Variants in PDZD2 observed in about 807,000 individuals in gnomAD.
PDZD2 encodes the protein PDZ domain-containing protein 2.
In PDZD2, 90 loss-of-function variants were observed where a neutral mutation model predicts 220.7. The observed-to-expected ratio is 0.41, with a 90% CI of 0.34 to 0.49. PDZD2 has a LOEUF of 0.49. Ranked by LOEUF, PDZD2 falls within the 20% of genes least tolerant of loss-of-function variation. PDZD2 has a pLI of 0.28. For synonymous variants in PDZD2, 1,375 were observed against 1,450.5 expected (o/e 0.95, Z 1.18); for missense variants, 3,174 against 3,608.5 (o/e 0.88, Z 3.08).
At chr5:31,982,866 C>G (rs1750408903) in intron 2 of PDZD2, among the ~76,000 whole-genome samples, 1 of 152,182 alleles carries the variant, frequency 6.6e-6, no homozygotes, top group Non-Finnish European at 1.5e-5. Context: ...AGCATTGGCT[C>G]TGTTCCTAGA....
chr5:32,001,024 G>A (rs778420664), intron 5 of PDZD2, among the ~76,000 whole-genome samples: 19 of 152,178 alleles, frequency 1.2e-4, no homozygotes, highest in Non-Finnish European at 2.1e-4. Flanking sequence ...AACCGCACAC[G>A]CAACAGATCT....
intron 24 of PDZD2, among the ~76,000 whole-genome samples, chr5:32,101,737 GA>G (rs1350120515): frequency 6.6e-6 from 1 of 151,776 alleles, no homozygotes; most frequent in Non-Finnish European, 1.5e-5. Context: ...GCCTTTGTGG[GA>G]AAAAAAAGAT....
At chr5:31,833,009 C>T (rs1008281933) in intron 2 of PDZD2, among the ~76,000 whole-genome samples, 3 of 152,140 alleles carry the variant, frequency 2.0e-5, no homozygotes, top group Non-Finnish European at 4.4e-5. Flanking sequence ...GACCAACCCA[C>T]TGCCACAGTG....
chr5:32,040,151 T>G (rs372136903), intron 7 of PDZD2, among the ~76,000 whole-genome samples: 3 of 142,738 alleles, frequency 2.1e-5, no homozygotes, highest in African/African-American at 8.0e-5. Context: ...TAGGAGGAAG[T>G]GAGGAGTGCC....
intron 1 of PDZD2, among the ~76,000 whole-genome samples, chr5:31,706,882 T>C (rs1038843678): frequency 6.6e-6 from 1 of 151,068 alleles, no homozygotes; most frequent in Non-Finnish European, 1.5e-5. Context: ...ATTTCCTTCC[T>C]AGACCTATAA....
At chr5:32,064,442 C>G (rs1228414383) in intron 14 of PDZD2, among the ~76,000 whole-genome samples, 1 of 151,866 alleles carries the variant, frequency 6.6e-6, no homozygotes, top group Admixed American at 6.6e-5. Flanking sequence ...GGGGTTTCAC[C>G]ATGTTGGCTA....
intron 18 of PDZD2, among the ~76,000 whole-genome samples, chr5:32,077,259 GA>G (rs34030551): frequency 0.21 from 31,275 of 151,998 alleles, 3,754 homozygotes; most frequent in East Asian, 0.46. Context: ...TTTTAGAGTT[GA>G]AAAAAATGGA....
At chr5:31,990,110 G>T (rs1466855589) in intron 3 of PDZD2, among the ~76,000 whole-genome samples, 3 of 152,232 alleles carry the variant, frequency 2.0e-5, no homozygotes, top group East Asian at 1.9e-4. Flanking sequence ...TTTCAGAAAA[G>T]GTTTGCAACT....
intron 2 of PDZD2, among the ~76,000 whole-genome samples, chr5:31,878,556 T>C (rs867629424): frequency 1.5e-4 from 2 of 13,742 alleles, no homozygotes; most frequent in African/African-American, 1.0e-3. Context: ...TGACCTCGGC[T>C]TTTTTTTTTT....
intron 19 of PDZD2, among the ~76,000 whole-genome samples, chr5:32,081,155 T>C (rs1741916472): frequency 6.6e-6 from 1 of 151,952 alleles, no homozygotes; most frequent in East Asian, 1.9e-4. Flanking sequence ...TGTTATAGTG[T>C]AGAGAGAATT....
At chr5:31,850,042 A>AAG (rs1485939118) in intron 2 of PDZD2, among the ~76,000 whole-genome samples, 941 of 65,784 alleles carry the variant, frequency 0.014, 260 homozygotes, top group African/African-American at 0.11. Flanking sequence ...ATACACGTAT[A>AAG]TATATATACG....
chr5:31,941,477 G>A (rs188161404), intron 2 of PDZD2, among the ~76,000 whole-genome samples: 193 of 152,326 alleles, frequency 1.3e-3, no homozygotes, highest in African/African-American at 4.5e-3. Flanking sequence ...CAGGAAAGAA[G>A]GTGGCAAAAA....
chr5:31,644,598 G>T (rs1745068706), intron 1 of PDZD2, among the ~76,000 whole-genome samples: 1 of 152,302 alleles, frequency 6.6e-6, no homozygotes, highest in Non-Finnish European at 1.5e-5. Context: ...GCTCCAGGAA[G>T]AGGCCTACCC....
intron 2 of PDZD2, among the ~76,000 whole-genome samples, chr5:31,850,663 G>C (rs1191490804): frequency 7.1e-6 from 1 of 141,020 alleles, no homozygotes; most frequent in Admixed American, 7.4e-5. Context: ...TTGAGACGGA[G>C]TCTTGCTCTT....
intron 1 of PDZD2, among the ~76,000 whole-genome samples, chr5:31,660,441 G>T (rs1321704729): frequency 6.6e-6 from 1 of 152,080 alleles, no homozygotes; most frequent in African/African-American, 2.4e-5. Context: ...AAGGAAAGAG[G>T]TTTAATTGAC....
intron 2 of PDZD2, chr5:31,841,006 A>G (rs1242661468): frequency 5.5e-6 from 2 of 361,056 alleles, no homozygotes; most frequent in Non-Finnish European, 1.0e-5. Context: ...GGTTCCACTC[A>G]TTATATTTTT....
intron 7 of PDZD2, among the ~76,000 whole-genome samples, chr5:32,043,445 T>A: frequency 6.6e-6 from 1 of 152,246 alleles, no homozygotes; most frequent in Non-Finnish European, 1.5e-5. Context: ...TCAGTTTCTT[T>A]ATCCGTAAAA....
intron 1 of PDZD2, among the ~76,000 whole-genome samples, chr5:31,686,587 G>A (rs927454622): frequency 1.3e-5 from 2 of 151,950 alleles, no homozygotes; most frequent in Admixed American, 6.6e-5. Context: ...GGCTAGTCTC[G>A]AACTCCTGAC....
rs200801339 is a variant in PDZD2, at chr5:31,689,336, C to CATATATATATATAT, written c.-361+49904_-361+49917dup. On this transcript the variant is annotated intron_variant, in intron 1 of 24. Transcript: ENST00000438447. Reference sequence around the variant, plus strand: ...ACATATACACATATATATACATATACATATATATATATATATATTTTTTTT... The same window carrying CATATATATATATAT: ...ACATATACACATATATATACATATACATATATATATATATATATATATATATATATATTTTTTTT... Among the ~76,000 whole-genome samples the CATATATATATATAT allele has an allele frequency of 2.5e-4, 14 of 55,220 alleles. 1 individual carries two copies. The highest frequency in any genetic ancestry group is 2.2e-4 in the African/African-American group (2 of 8,968). The allele number at this position is 55,220 out of a possible 152,430, so 36.2% of individuals were successfully genotyped here.
Sources: gnomAD v4.1 joint callset for allele counts (sites outside exome capture counted in the v4.1 genomes callset) on GRCh38, gnomAD v4.1.1 for gene constraint, MANE v1.5 for transcripts, NCBI Gene and HGNC (gene_info 2026-07-23, HGNC 2026-07-21) for gene names.